The following NRXN2 variants were observed in gnomAD, a reference collection of about 807,000 sequenced individuals.
NRXN2 encodes the protein neurexin-2-beta.
In NRXN2, 29 loss-of-function variants were observed where a neutral mutation model predicts 128.8. That is an observed-to-expected ratio of 0.23 (90% confidence interval 0.17 to 0.31). The LOEUF is 0.31. NRXN2 is among the 10% of genes least tolerant of loss of function. NRXN2 has a pLI of 1.00. For missense variants in NRXN2, 1,881 were observed against 2,452.6 expected (o/e 0.77, Z 4.92); for synonymous variants, 1,098 against 1,075.2 (o/e 1.02, Z -0.41).
chr11:64,642,001 T>C (rs1379536999), intron 17 of NRXN2, among the ~76,000 whole-genome samples: 1 of 151,384 alleles, frequency 6.6e-6, no homozygotes, highest in Non-Finnish European at 1.5e-5. Context: ...GAGACATACA[T>C]GAAGAGGTCA....
At chr11:64,701,915 C>T (rs1200197203) in intron 2 of NRXN2, among the ~76,000 whole-genome samples, 2 of 141,762 alleles carry the variant, frequency 1.4e-5, no homozygotes, top group African/African-American at 5.2e-5. Flanking sequence ...GGGGGGTCAG[C>T]CCCCCGCCCG....
At chr11:64,629,959 C>T (rs2043630491) in intron 19 of NRXN2, among the ~76,000 whole-genome samples, 1 of 152,162 alleles carries the variant, frequency 6.6e-6, no homozygotes, top group Non-Finnish European at 1.5e-5. Context: ...CCCGTGGTAA[C>T]AGCCCTGTCT....
In NRXN2 at chr11:64,635,587, C is replaced by G. The variant is rs1160597976; in HGVS notation, c.3404-135G>C. 11 of 994,454 alleles carry G rather than the reference C, an allele frequency of 1.1e-5. No homozygotes were observed. The highest frequency in any genetic ancestry group is 3.2e-5 in the African/African-American group (2 of 62,646). 61.6% of individuals were successfully genotyped at this position (994,454 alleles called of 1,614,324 possible). On this transcript the variant is annotated intron_variant, in intron 17 of 22. Coordinates refer to ENST00000265459, the MANE Select transcript of NRXN2 (RefSeq NM_015080.4). The surrounding 1 kb of genome is among the most constrained non-coding windows in gnomAD (Gnocchi z 4.8). ...CTTCAGCTGTGATACCCACAGCAGC[C>G]ACCAGCCCTGCCACCCCAGGGAGAA...
intron 2 of NRXN2, among the ~76,000 whole-genome samples, chr11:64,700,157 C>T (rs539618082): frequency 6.6e-6 from 1 of 152,186 alleles, no homozygotes; most frequent in South Asian, 2.1e-4. Flanking sequence ...TCTTACTTCT[C>T]CTCGCTCTCC....
chr11:64,719,797 G>A (rs776316572), intron 1 of NRXN2, among the ~76,000 whole-genome samples: 3 of 152,188 alleles, frequency 2.0e-5, no homozygotes, highest in Non-Finnish European at 2.9e-5. Flanking sequence ...GGCTTCCAGG[G>A]GCGGCCTTGT....
intron 17 of NRXN2, chr11:64,642,546 G>A (rs771429214): frequency 2.5e-6 from 4 of 1,608,912 alleles, no homozygotes; most frequent in Admixed American, 1.7e-5. Flanking sequence ...TACCGTGGCC[G>A]CCGCGGGTGA....
At chr11:64,647,140 A>C (rs1396091702) in intron 17 of NRXN2, among the ~76,000 whole-genome samples, 1 of 151,968 alleles carries the variant, frequency 6.6e-6, no homozygotes, top group Non-Finnish European at 1.5e-5. Context: ...ATCTGCTATG[A>C]ACTACCTCCA....
At chr11:64,661,351 T>A in intron 9 of NRXN2, 1 of 1,450,008 alleles carries the variant, frequency 6.9e-7, no homozygotes, top group Non-Finnish European at 9.0e-7. Context: ...GAGGCTTCTG[T>A]GACGCAGCCC....
At chr11:64,719,934 A>G (rs2057391751) in intron 1 of NRXN2, among the ~76,000 whole-genome samples, 1 of 152,204 alleles carries the variant, frequency 6.6e-6, no homozygotes, top group African/African-American at 2.4e-5. Context: ...GGGACCTTCT[A>G]TGTGTCTTAC....
intron 22 of NRXN2, among the ~76,000 whole-genome samples, chr11:64,613,407 A>G (rs558934351): frequency 6.6e-6 from 1 of 152,332 alleles, no homozygotes; most frequent in East Asian, 1.9e-4. Flanking sequence ...CGCGTCCTTC[A>G]CCAAACTCAT....
chr11:64,668,703 G>A (rs2135513930), intron 7 of NRXN2, 99 bp from the exon 8 acceptor site: 3 of 1,357,716 alleles, frequency 2.2e-6, no homozygotes, highest in Admixed American at 3.4e-5. Context: ...GAGGGCAGCA[G>A]GGGAGGGGGA....
At chr11:64,658,264 T>C (rs1817445222) in intron 11 of NRXN2, among the ~76,000 whole-genome samples, 1 of 152,150 alleles carries the variant, frequency 6.6e-6, no homozygotes, top group East Asian at 1.9e-4. Flanking sequence ...CCAGGCAAAG[T>C]AGGGGGGAAC....
Position 64,667,634 on chromosome 11 carries a change from C to G in NRXN2, c.1414G>C (p.Gly472Arg), listed in dbSNP as rs1222592335. 1 of 1,614,220 alleles carries G rather than the reference C, an allele frequency of 6.2e-7. No individual in the cohort carries two copies. Residue 472 changes from glycine to arginine, a missense_variant, in exon 9 of 23, where the codon GGG becomes CGG. Gly to Arg is a moderately radical substitution (Grantham distance 125). Around this residue, in one of 7 missense-constraint regions of NRXN2, gnomAD observed 997 missense variants for 1,240.8 expected, o/e 0.80. Coordinates refer to ENST00000265459, the MANE Select transcript of NRXN2 (RefSeq NM_015080.4). This position sits in a 1 kb window ranked among gnomAD's most constrained non-coding sequence, Gnocchi z 5.6. ...KLELSRLAKE[G>R]DPKMKLQGDL... is the part of the protein sequence containing the mutation. The stretch of plus-strand genomic sequence containing the variant: ...CCCTGCAGCTTCATCTTGGGGTCCC[C>G]TTCCTTTGCCAGGCGGGATAGTTCC...
rs532611232 is a variant in NRXN2, at chr11:64,638,107, G to C, written c.3404-2655C>G. ...ACCAGGGAAGGCGGCCCCAGGACAG[G>C]GACTGGCCAAGCGTGGGACAGGGCG... On this transcript the variant is annotated intron_variant, in intron 17 of 22. Transcript: ENST00000265459. 9.9e-5 allele frequency among the ~76,000 whole-genome samples: 15 copies of C among 152,246 alleles called. No individual in the cohort carries two copies. The East Asian group carries it at 2.7e-3, about 28-fold the overall frequency.
At chr11:64,716,189 G>T (rs942208593) in intron 1 of NRXN2, among the ~76,000 whole-genome samples, 1 of 152,172 alleles carries the variant, frequency 6.6e-6, no homozygotes, top group Admixed American at 6.5e-5. Flanking sequence ...ATTTTGGGGA[G>T]GGAATTAATT....
At chr11:64,696,645 C>T (rs936117233) in intron 3 of NRXN2, among the ~76,000 whole-genome samples, 5 of 151,914 alleles carry the variant, frequency 3.3e-5, no homozygotes, top group Admixed American at 2.0e-4. Context: ...ATGGACATCA[C>T]GAGGAAAAAT....
chr11:64,665,025 GTA>G (rs996589142), intron 9 of NRXN2, among the ~76,000 whole-genome samples: 1 of 150,712 alleles, frequency 6.6e-6, no homozygotes, highest in Admixed American at 6.6e-5. Flanking sequence ...GCTCACGCCT[GTA>G]ATCCCAACAC....
chr11:64,710,387 A>G (rs2056777350), intron 2 of NRXN2, among the ~76,000 whole-genome samples: 1 of 152,178 alleles, frequency 6.6e-6, no homozygotes, highest in African/African-American at 2.4e-5. Flanking sequence ...ACTCAAACAC[A>G]TCTTAGACAC....
At chr11:64,692,333 C>T (rs1428964032) in intron 4 of NRXN2, among the ~76,000 whole-genome samples, 9 of 152,150 alleles carry the variant, frequency 5.9e-5, no homozygotes, top group Non-Finnish European at 1.3e-4. Context: ...TTTCCCTTCT[C>T]GTCATGGATG....
Sources: gnomAD v4.1 joint callset for allele counts (sites outside exome capture counted in the v4.1 genomes callset) on GRCh38, gnomAD v4.1.1 for gene constraint, gnomAD v4.1.1 regional missense constraint, Gnocchi (gnomAD v3.1) non-coding constraint, MANE v1.5 for transcripts, NCBI Gene and HGNC (gene_info 2026-07-23, HGNC 2026-07-21) for gene names.